Variants in TENM4 observed in about 807,000 individuals in gnomAD.
The protein encoded by TENM4 is teneurin-4.
A neutral mutation model predicts 243.3 loss-of-function variants in TENM4; 82 were observed. The observed-to-expected ratio is 0.34, with a 90% confidence interval of 0.28 to 0.40. The LOEUF (loss-of-function observed/expected upper bound fraction) is 0.40, where lower values mean the gene tolerates loss of function less well. Among genes scored for constraint, TENM4 ranks in the 10% least tolerant of loss-of-function variants. The pLI is 1.00. For synonymous variants in TENM4, 1,412 were observed against 1,456.3 expected (o/e 0.97, Z 0.69); for missense variants, 3,138 against 3,673.3 (o/e 0.85, Z 3.77).
At position 78,787,065 on chromosome 11, in the gene TENM4, C is replaced by T. The variant is rs1312353860; in HGVS notation, c.2198G>A (p.Cys733Tyr). ...DCSIEICAAD[C>Y]GGHGVCVGGT... The stretch of plus-strand genomic sequence containing the variant: ...CCCTACGCACACGCCATGGCCACCA[C>T]AGTCGGCAGCACAGATCTCTGTGGG... Residue 733 changes from cysteine to tyrosine, a missense_variant, in exon 16 of 34, where the codon TGT (cysteine) becomes TAT (tyrosine). Cys to Tyr is a radical substitution (Grantham distance 194). Around this residue, in one of 2 missense-constraint regions of TENM4, gnomAD observed 2,467 missense variants for 3,059.1 expected, o/e 0.81. Transcript: ENST00000278550. 1 of 1,547,772 alleles carries T rather than the reference C, an allele frequency of 6.5e-7. No individual in the cohort carries two copies. The highest frequency in any genetic ancestry group is 1.4e-5 in the African/African-American group (1 of 72,994).
intron 4 of TENM4, among the ~76,000 whole-genome samples, chr11:79,122,879 G>C (rs1861771568): frequency 6.6e-6 from 1 of 152,206 alleles, no homozygotes; most frequent in African/African-American, 2.4e-5. Context: ...TACAGCAACT[G>C]CTTGCAGTAA....
intron 1 of TENM4, among the ~76,000 whole-genome samples, chr11:79,403,622 A>C (rs192823271): frequency 6.6e-6 from 1 of 152,234 alleles, no homozygotes; most frequent in East Asian, 1.9e-4. Flanking sequence ...GCCAGTGCCC[A>C]AGAGGTAGCC....
At chr11:78,951,068 C>T (rs767801922) in intron 6 of TENM4, among the ~76,000 whole-genome samples, 1 of 152,234 alleles carries the variant, frequency 6.6e-6, no homozygotes, top group Non-Finnish European at 1.5e-5. Context: ...GAAAATGCAG[C>T]GTGCTCAAGG....
In TENM4 at chr11:78,652,897, T is replaced by C. The variant is rs2135596800; in HGVS notation, c.*5161A>G. 6.6e-6 allele frequency: 1 copy of C among 152,338 alleles called. No individual in the cohort carries two copies. Among genetic ancestry groups the C allele is most frequent in the South Asian group, 2.1e-4 (1 of 4,828 alleles). The allele number at this position is 152,338 out of a possible 1,614,324, so 9.4% of individuals were successfully genotyped here. A position where few individuals can be genotyped will look rare whatever the true frequency, so the allele number is the denominator to read the frequency against. On this transcript the variant is annotated 3_prime_UTR_variant, in exon 34 of 34. Transcript: ENST00000278550. Reference sequence around the variant, plus strand: ...ACATCCCTTGTGGAAGGCAGTGGCATGGTGGATGACTCTGTGTGCCCAGTG... The same window carrying C: ...ACATCCCTTGTGGAAGGCAGTGGCACGGTGGATGACTCTGTGTGCCCAGTG...
At chr11:79,306,644 C>T (rs1444037007) in intron 1 of TENM4, among the ~76,000 whole-genome samples, 2 of 152,160 alleles carry the variant, frequency 1.3e-5, no homozygotes, top group African/African-American at 2.4e-5. Context: ...AACTATGCCC[C>T]TGGTAGTGTG....
intron 9 of TENM4, among the ~76,000 whole-genome samples, chr11:78,864,902 C>T (rs1858927926): frequency 6.6e-6 from 1 of 152,164 alleles, no homozygotes; most frequent in East Asian, 1.9e-4. Flanking sequence ...AAAGTCTCTT[C>T]AGCAAGACCA....
intron 15 of TENM4, among the ~76,000 whole-genome samples, chr11:78,787,407 G>A (rs1190549590): frequency 3.3e-5 from 5 of 152,208 alleles, no homozygotes; most frequent in African/African-American, 1.2e-4. Context: ...ACCTGTCCCT[G>A]CCTTTGTGCT....
At chr11:79,298,521 C>CAAAA (rs61373828) in intron 1 of TENM4, among the ~76,000 whole-genome samples, 3 of 17,242 alleles carry the variant, frequency 1.7e-4, no homozygotes, top group African/African-American at 3.8e-4. Context: ...GACTCCGTCT[C>CAAAA]AAAAAAAAAA....
chr11:78,805,389 G>A lies in TENM4; in HGVS notation c.2082C>T (p.Ala694=), dbSNP rs1384474220. The change falls in exon 15 of 34, where the codon GCC becomes GCT. Residue 694 remains alanine (A), a synonymous_variant. Coordinates refer to ENST00000278550, the MANE Select transcript of TENM4 (RefSeq NM_001098816.3). ...WGGTNCETPR[A]TCLDQCSGHG... ...GGCCTGAACACTGGTCTAAGCATGTGGCCCTGGGGGTCTCGCAGTTGGTGC... is the reference window on the plus strand; with the variant it reads ...GGCCTGAACACTGGTCTAAGCATGTAGCCCTGGGGGTCTCGCAGTTGGTGC... The A allele has an allele frequency of 6.3e-7, 1 of 1,590,098 alleles. No homozygotes were observed. Among genetic ancestry groups the A allele is most frequent in the Non-Finnish European group, 8.5e-7 (1 of 1,170,634 alleles).
At chr11:79,401,614 GC>G (rs1006047299) in intron 1 of TENM4, among the ~76,000 whole-genome samples, 2 of 152,162 alleles carry the variant, frequency 1.3e-5, no homozygotes, top group African/African-American at 4.8e-5. Flanking sequence ...ACATTCTGAA[GC>G]ATTTCTCTTT....
At chr11:79,205,563 C>T (rs1863836468) in intron 3 of TENM4, among the ~76,000 whole-genome samples, 2 of 152,198 alleles carry the variant, frequency 1.3e-5, no homozygotes, top group South Asian at 2.1e-4. Flanking sequence ...TGAAATCAGA[C>T]AGTAGTTAAG....
chr11:79,037,015 C>CAAAAAAAAAAAAAAAA (rs369421583), intron 6 of TENM4, among the ~76,000 whole-genome samples: 1 of 91,082 alleles, frequency 1.1e-5, no homozygotes, highest in African/African-American at 3.7e-5. Flanking sequence ...GACTCCATCT[C>CAAAAAAAAAAAAAAAA]AAAAAAAAAA....
chr11:79,266,559 C>T (rs1164832993), intron 2 of TENM4, among the ~76,000 whole-genome samples: 2 of 151,962 alleles, frequency 1.3e-5, no homozygotes. Flanking sequence ...GTCAGTAGGC[C>T]CTTATCTTTG....
intron 1 of TENM4, among the ~76,000 whole-genome samples, chr11:79,366,235 A>G (rs1390372731): frequency 2.6e-5 from 4 of 152,140 alleles, no homozygotes; most frequent in Non-Finnish European, 5.9e-5. Flanking sequence ...GGAGGTGCAG[A>G]GCCTTCCAGT....
chr11:79,165,086 T>C (rs1019914024), intron 3 of TENM4, among the ~76,000 whole-genome samples: 5 of 152,048 alleles, frequency 3.3e-5, no homozygotes, highest in African/African-American at 1.2e-4. Flanking sequence ...AATTGCGAAT[T>C]GTGCTCTTAT....
At chr11:79,211,119 G>A (rs1863946574) in intron 3 of TENM4, among the ~76,000 whole-genome samples, 1 of 152,146 alleles carries the variant, frequency 6.6e-6, no homozygotes, top group Non-Finnish European at 1.5e-5. Context: ...GGTTTGGAAA[G>A]ATGGTAAGAA....
At chr11:78,892,574 T>C (rs1855693974) in intron 7 of TENM4, among the ~76,000 whole-genome samples, 1 of 152,234 alleles carries the variant, frequency 6.6e-6, no homozygotes, top group Admixed American at 6.5e-5. Flanking sequence ...AAGGTTGTTA[T>C]ATGGATCGGC....
At chr11:79,099,870 A>G (rs1435722089) in intron 4 of TENM4, among the ~76,000 whole-genome samples, 4 of 152,186 alleles carry the variant, frequency 2.6e-5, no homozygotes, top group Admixed American at 1.3e-4. Context: ...TGTAACCTTC[A>G]TGGGTGCCCA....
At position 79,246,763 on chromosome 11, in the gene TENM4, G is replaced by T. The variant is rs1452107455; in HGVS notation, c.-264-30854C>A. The stretch of plus-strand genomic sequence containing the variant: ...CTTAGATGCCAAACAATAAAGGAAA[G>T]GAATGATGAGGTTCTCCACGACATG... On this transcript the variant is annotated intron_variant, in intron 2 of 33. Coordinates refer to ENST00000278550, the MANE Select transcript of TENM4 (RefSeq NM_001098816.3). Among the ~76,000 whole-genome samples, 7 of 152,102 alleles carry T rather than the reference G, an allele frequency of 4.6e-5. No individual in the cohort carries two copies. In the East Asian group the frequency reaches 1.4e-3, roughly 29 times the overall value.
Sources: allele counts gnomAD v4.1 joint callset (sites outside exome capture counted in the v4.1 genomes callset), GRCh38; gene constraint gnomAD v4.1.1; regional missense constraint gnomAD v4.1.1; transcripts MANE v1.5; gene names NCBI Gene and HGNC (gene_info 2026-07-23, HGNC 2026-07-21).